Variants in SLC13A3 observed in about 807,000 individuals in gnomAD.
SLC13A3 encodes the protein Na(+)/dicarboxylate cotransporter 3.
SLC13A3 carries 40 observed loss-of-function variants against 59.0 expected under a neutral mutation model. The ratio of observed to expected loss-of-function variants is 0.68; its 90% CI spans 0.53 to 0.88. The LOEUF is 0.88. Among genes scored for constraint, SLC13A3 ranks in the 40% least tolerant of loss-of-function variants. The probability of loss-of-function intolerance (pLI) is 0.00; values close to 1 mark genes in which losing one functional copy is unlikely to be tolerated. For synonymous variants in SLC13A3, 317 were observed against 330.3 expected (o/e 0.96, Z 0.44); for missense variants, 699 against 783.2 (o/e 0.89, Z 1.28).
intron 1 of SLC13A3, among the ~76,000 whole-genome samples, chr20:46,619,481 T>G (rs147289247): frequency 3.5e-4 from 54 of 152,326 alleles, no homozygotes; most frequent in African/African-American, 1.3e-3. Context: ...ATCCTCCACA[T>G]AAGCAGTCAA....
intron 3 of SLC13A3, chr20:46,608,967 T>C: frequency 7.1e-6 from 11 of 1,550,886 alleles, no homozygotes; most frequent in Non-Finnish European, 9.6e-6. Context: ...CATATTCCAT[T>C]GACCAGACTC....
chr20:46,583,851 A>G lies in SLC13A3; in HGVS notation c.1122-182T>C, dbSNP rs952441272. 3 of 985,262 alleles carry G rather than the reference A, an allele frequency of 3.0e-6. No homozygotes were observed. The African/African-American group carries it at 5.2e-5, about 17-fold the overall frequency. The allele number at this position is 985,262 out of a possible 1,614,324, so 61.0% of individuals were successfully genotyped here. ...CAGCATGGTGCAAAGCTCTTCATTC[A>G]CAGCTCCCTGGGGGCATTTAGATGC... On this transcript the variant is annotated intron_variant, in intron 8 of 12. Coordinates refer to ENST00000279027, the MANE Select transcript of SLC13A3 (RefSeq NM_022829.6).
intron 10 of SLC13A3, among the ~76,000 whole-genome samples, chr20:46,567,382 G>T (rs2061990242): frequency 6.6e-6 from 1 of 152,084 alleles, no homozygotes; most frequent in African/African-American, 2.4e-5. Context: ...ATCCCAAAAG[G>T]TAAATATTGG....
chr20:46,654,728 A>C (rs76663410), upstream of SLC13A3, among the ~76,000 whole-genome samples: 13,714 of 152,002 alleles, frequency 0.09, 1,101 homozygotes, highest in African/African-American at 0.21. Flanking sequence ...ACGGGTTTAC[A>C]CCATGTTGGC....
chr20:46,651,608 G>A, upstream of SLC13A3: 1 of 1,241,862 alleles, frequency 8.1e-7, no homozygotes, highest in Non-Finnish European at 1.0e-6. Context: ...CGGGAACGTT[G>A]GAGAAAGTTA....
At chr20:46,626,097 TTCTCTCTCTCTCTC>T (rs74176872) in intron 1 of SLC13A3, among the ~76,000 whole-genome samples, 1 of 145,794 alleles carries the variant, frequency 6.9e-6, no homozygotes, top group East Asian at 2.0e-4. Context: ...CAAAGCTGTA[TTCTCTCTCTCTCTC>T]TCTCTCTCTC....
chr20:46,570,653 C>G (rs1791720774), intron 10 of SLC13A3, among the ~76,000 whole-genome samples: 1 of 152,110 alleles, frequency 6.6e-6, no homozygotes, highest in Non-Finnish European at 1.5e-5. Flanking sequence ...TTCTAAGTAC[C>G]CTTTCTATTG....
intron 4 of SLC13A3, among the ~76,000 whole-genome samples, chr20:46,597,522 T>C (rs111369283): frequency 0.11 from 16,726 of 152,198 alleles, 1,009 homozygotes; most frequent in African/African-American, 0.15. Context: ...CTGCTACCTC[T>C]GCCTCCCGGG....
intron 1 of SLC13A3, among the ~76,000 whole-genome samples, chr20:46,683,023 TCTC>T (rs1295633196): frequency 3.3e-5 from 5 of 152,096 alleles, no homozygotes; most frequent in Non-Finnish European, 5.9e-5. Flanking sequence ...GATGGACGAT[TCTC>T]CTCCTGGGGG....
At position 46,560,218 on chromosome 20, in the gene SLC13A3, G is replaced by A. The variant is rs925789506; in HGVS notation, c.1633-20C>T. 25 of 1,613,114 alleles carry A rather than the reference G, an allele frequency of 1.5e-5. No individual in the cohort carries two copies. Among genetic ancestry groups the A allele is most frequent in the Non-Finnish European group, 2.0e-5 (24 of 1,179,434 alleles). On this transcript the variant is annotated intron_variant, in intron 12 of 12. Transcript: ENST00000279027. ...CCGCACCTGAAATAGAGCCCAGACA[G>A]AGGGAGGGGTCAGCACCTGACCCAC...
chr20:46,568,031 T>C (rs1201230186), intron 10 of SLC13A3, among the ~76,000 whole-genome samples: 1 of 152,148 alleles, frequency 6.6e-6, no homozygotes, highest in Non-Finnish European at 1.5e-5. Context: ...ACTTTATATA[T>C]ATATTTTTAC....
intron 1 of SLC13A3, among the ~76,000 whole-genome samples, chr20:46,625,213 C>T (rs921830118): frequency 6.6e-6 from 1 of 152,174 alleles, no homozygotes; most frequent in African/African-American, 2.4e-5. Flanking sequence ...TCCCAGCTTC[C>T]AGCCTGTAGA....
upstream of SLC13A3, among the ~76,000 whole-genome samples, chr20:46,672,942 T>G (rs774564332): frequency 1.3e-5 from 2 of 152,066 alleles, no homozygotes; most frequent in Non-Finnish European, 2.9e-5. Flanking sequence ...AACAGAAGAA[T>G]CACCCAGCTG....
At chr20:46,617,996 A>T (rs2062578447) in intron 1 of SLC13A3, among the ~76,000 whole-genome samples, 1 of 152,216 alleles carries the variant, frequency 6.6e-6, no homozygotes, top group Admixed American at 6.5e-5. Flanking sequence ...TATAGTCTCA[A>T]ATTCCCACAG....
At chr20:46,621,226 C>G (rs2062610967) in intron 1 of SLC13A3, among the ~76,000 whole-genome samples, 1 of 152,162 alleles carries the variant, frequency 6.6e-6, no homozygotes. Flanking sequence ...CAGCAATGCT[C>G]CTGCTCCTTC....
intron 1 of SLC13A3, among the ~76,000 whole-genome samples, chr20:46,645,703 C>G (rs948512598): frequency 3.9e-5 from 6 of 152,130 alleles, no homozygotes; most frequent in Non-Finnish European, 8.8e-5. Context: ...CCCCTTGCAA[C>G]AAAGAGAGGG....
chr20:46,645,973 G>A (rs1400719888), intron 1 of SLC13A3, among the ~76,000 whole-genome samples: 4 of 152,128 alleles, frequency 2.6e-5, no homozygotes, highest in Non-Finnish European at 4.4e-5. Flanking sequence ...AAGGGACTCT[G>A]GCAAAAATGA....
Position 46,559,566 on chromosome 20 carries a change from G to A in SLC13A3, c.*456C>T, listed in dbSNP as rs2061913262. ...CTGGTTGTGAACAGCTGGAACAACT[G>A]GGTTGGAACATTGCAGCCCAGGAAA... On this transcript the variant is annotated 3_prime_UTR_variant, in exon 13 of 13. Coordinates refer to ENST00000279027, the MANE Select transcript of SLC13A3 (RefSeq NM_022829.6). 2 of 153,576 alleles carry A rather than the reference G, an allele frequency of 1.3e-5. No homozygotes were observed. The highest frequency in any genetic ancestry group is 4.1e-4 in the South Asian group (2 of 4,878). The allele number at this position is 153,576 out of a possible 1,614,324, so 9.5% of individuals were successfully genotyped here.
chr20:46,579,973 T>C (rs1223089281), intron 9 of SLC13A3, among the ~76,000 whole-genome samples: 1 of 148,960 alleles, frequency 6.7e-6, no homozygotes, highest in Non-Finnish European at 1.5e-5. Flanking sequence ...CATCACTACT[T>C]TTTTTTTTTT....
Sources: gnomAD v4.1 joint callset for allele counts (sites outside exome capture counted in the v4.1 genomes callset) on GRCh38, gnomAD v4.1.1 for gene constraint, MANE v1.5 for transcripts, NCBI Gene and HGNC (gene_info 2026-07-23, HGNC 2026-07-21) for gene names.